The following DOCK3 variants were observed in gnomAD, a reference collection of about 807,000 sequenced individuals.
DOCK3 encodes the protein dedicator of cytokinesis protein 3.
Under a neutral mutation model 265.6 loss-of-function variants are expected in DOCK3, and 60 were observed. The observed-to-expected ratio is 0.23, with a 90% CI of 0.18 to 0.28. DOCK3 has a LOEUF of 0.28. Among genes scored for constraint, DOCK3 ranks in the 10% least tolerant of loss-of-function variants. DOCK3 has a pLI of 1.00. For missense variants in DOCK3, 1,981 were observed against 2,594.3 expected (o/e 0.76, Z 5.14); for synonymous variants, 881 against 938.0 (o/e 0.94, Z 1.11).
intron 22 of DOCK3, among the ~76,000 whole-genome samples, chr3:51,249,107 G>C (rs1452749436): frequency 1.5e-3 from 224 of 150,534 alleles, no homozygotes; most frequent in Admixed American, 9.4e-3. Flanking sequence ...AGGTGGGGGG[G>C]GTCAGCCCCC....
chr3:50,978,512 C>T (rs1403766855), intron 5 of DOCK3, among the ~76,000 whole-genome samples: 6 of 152,186 alleles, frequency 3.9e-5, no homozygotes, highest in African/African-American at 7.2e-5. Flanking sequence ...TCTCAGATCT[C>T]CAGCTGCGTA....
intron 26 of DOCK3, among the ~76,000 whole-genome samples, chr3:51,279,680 C>T (rs1210872429): frequency 6.6e-6 from 1 of 152,128 alleles, no homozygotes; most frequent in African/African-American, 2.4e-5. Flanking sequence ...CCAAAGAAGT[C>T]CTTGTAGAAG....
At chr3:51,204,982 C>T (rs2089085136) in intron 12 of DOCK3, among the ~76,000 whole-genome samples, 1 of 149,070 alleles carries the variant, frequency 6.7e-6, no homozygotes, top group African/African-American at 2.5e-5. Flanking sequence ...CACATGGACA[C>T]AGGACGGGGA....
In DOCK3 at chr3:51,362,653, T is replaced by A; in HGVS notation, c.5272T>A (p.Ser1758Thr). 1 of 1,613,730 alleles carries A rather than the reference T, an allele frequency of 6.2e-7. No homozygotes were observed. Among genetic ancestry groups the A allele is most frequent in the Non-Finnish European group, 8.5e-7 (1 of 1,179,784 alleles). The change falls in exon 49 of 53, where the codon TCT becomes ACT. Residue 1758 changes from serine (S) to threonine (T), a missense_variant. This residue lies in a region of DOCK3 where 1,357 missense variants were observed against 1,866.8 expected (regional missense o/e 0.73). Coordinates refer to ENST00000266037, the MANE Select transcript of DOCK3 (RefSeq NM_004947.5). ...THSAPSQMIT[S>T]APSSARGSPS... ...CTCAGCACCATCCCAGATGATTACC[T>A]CTGCCCCTTCCAGTGCCCGAGGTAA...
chr3:50,867,349 A>G (rs2047192113), intron 3 of DOCK3, among the ~76,000 whole-genome samples: 1 of 152,154 alleles, frequency 6.6e-6, no homozygotes, highest in Non-Finnish European at 1.5e-5. Context: ...TTTTCTAAAT[A>G]TGGGATTATA....
intron 37 of DOCK3, among the ~76,000 whole-genome samples, chr3:51,340,321 T>C (rs2085158638): frequency 6.6e-6 from 1 of 152,182 alleles, no homozygotes; most frequent in Admixed American, 6.5e-5. Context: ...AGGGAGGCCC[T>C]GAGTTCCACA....
intron 2 of DOCK3, among the ~76,000 whole-genome samples, chr3:50,832,859 A>G (rs2045273208): frequency 1.3e-5 from 2 of 152,160 alleles, no homozygotes; most frequent in South Asian, 4.1e-4. Flanking sequence ...GTCAGAAAGC[A>G]TTGGTTTGTC....
At chr3:50,918,011 T>G (rs1042687333) in intron 4 of DOCK3, among the ~76,000 whole-genome samples, 2 of 152,052 alleles carry the variant, frequency 1.3e-5, no homozygotes, top group African/African-American at 4.8e-5. Context: ...CATACAGTGT[T>G]TGGTTTTCTG....
intron 1 of DOCK3, among the ~76,000 whole-genome samples, chr3:50,690,161 T>C (rs1166951533): frequency 6.8e-6 from 1 of 147,928 alleles, no homozygotes; most frequent in Non-Finnish European, 1.5e-5. Context: ...GGAGACAAGG[T>C]CTTGCTCTCT....
At chr3:50,945,914 G>A (rs994337682) in intron 5 of DOCK3, among the ~76,000 whole-genome samples, 1 of 151,868 alleles carries the variant, frequency 6.6e-6, no homozygotes, top group Non-Finnish European at 1.5e-5. Context: ...TTCCAGGGTT[G>A]TCATGTTGTT....
At chr3:51,075,992 A>G (rs996155923) in intron 7 of DOCK3, among the ~76,000 whole-genome samples, 1 of 152,238 alleles carries the variant, frequency 6.6e-6, no homozygotes, top group African/African-American at 2.4e-5. Context: ...AGGTGGTGAC[A>G]GTTATGCTTA....
chr3:50,761,258 G>C (rs538143605), intron 1 of DOCK3, among the ~76,000 whole-genome samples: 19 of 151,972 alleles, frequency 1.3e-4, no homozygotes, highest in Admixed American at 1.1e-3. Context: ...CAACACACAT[G>C]GTACGTCATT....
intron 5 of DOCK3, among the ~76,000 whole-genome samples, chr3:50,945,264 T>A (rs573764438): frequency 2.0e-5 from 3 of 152,334 alleles, no homozygotes; most frequent in Admixed American, 2.0e-4. Context: ...AATTTTTGCT[T>A]TCCTATTAAA....
At chr3:50,911,707 A>T (rs1158222620) in intron 4 of DOCK3, among the ~76,000 whole-genome samples, 2 of 151,770 alleles carry the variant, frequency 1.3e-5, no homozygotes, top group Admixed American at 1.3e-4. Context: ...GTTTTTTGAG[A>T]GAGAGAGAGA....
chr3:51,381,823 T>C lies in DOCK3; in HGVS notation c.*264T>C. The C allele has an allele frequency of 5.0e-6, 2 of 398,650 alleles. No homozygotes were observed. The highest frequency in any genetic ancestry group is 4.4e-6 in the Non-Finnish European group (1 of 224,926). 24.7% of individuals were successfully genotyped at this position (398,650 alleles called of 1,614,324 possible). A position where few individuals can be genotyped will look rare whatever the true frequency, so the allele number is the denominator to read the frequency against. ...GTTTTCCTTTCTTTCCTTTATGCAG[T>C]AGATGCTTTCTTCCTCCTGCAGTTC... On this transcript the variant is annotated 3_prime_UTR_variant, in exon 53 of 53. Transcript: ENST00000266037. The surrounding 1 kb of genome is among the most constrained non-coding windows in gnomAD (Gnocchi z 5.6).
At chr3:51,189,990 A>G (rs569846137) in intron 12 of DOCK3, among the ~76,000 whole-genome samples, 3 of 152,280 alleles carry the variant, frequency 2.0e-5, no homozygotes, top group South Asian at 4.2e-4. Flanking sequence ...GGGGGAAAAG[A>G]TATATCCTTC....
chr3:51,024,654 A>G (rs570832677), intron 5 of DOCK3, among the ~76,000 whole-genome samples: 1 of 152,304 alleles, frequency 6.6e-6, no homozygotes, highest in African/African-American at 2.4e-5. Flanking sequence ...TTGATGTTCC[A>G]TGTAGGGAGG....
At chr3:51,246,593 A>C in intron 21 of DOCK3, 133 bp from the exon 22 acceptor site, 1 of 782,342 alleles carries the variant, frequency 1.3e-6, no homozygotes, top group Non-Finnish European at 2.1e-6. Context: ...CCAAAGCTGT[A>C]ATGGATCTAT....
At chr3:51,306,654 T>C (rs1157448249) in intron 27 of DOCK3, among the ~76,000 whole-genome samples, 1 of 152,260 alleles carries the variant, frequency 6.6e-6, no homozygotes, top group Non-Finnish European at 1.5e-5. Context: ...TCAAATTTGC[T>C]GATTCTTCTG....
Sources: allele counts gnomAD v4.1 joint callset (sites outside exome capture counted in the v4.1 genomes callset), GRCh38; gene constraint gnomAD v4.1.1; regional missense constraint gnomAD v4.1.1; non-coding constraint Gnocchi (gnomAD v3.1); transcripts MANE v1.5; gene names NCBI Gene and HGNC (gene_info 2026-07-23, HGNC 2026-07-21).